RTN3: variants seen among roughly 807,000 people sequenced by gnomAD.
The protein encoded by RTN3 is reticulon 3, also known as reticulon-3.
A neutral mutation model predicts 77.8 loss-of-function variants in RTN3; 49 were observed. The ratio of observed to expected loss-of-function variants is 0.63; its 90% CI spans 0.50 to 0.80. The LOEUF (loss-of-function observed/expected upper bound fraction) is 0.80. Ranked by LOEUF, RTN3 falls within the 30% of genes least tolerant of loss-of-function variation. RTN3 has a pLI of 0.00. For synonymous variants in RTN3, 464 were observed against 446.9 expected, an observed-to-expected ratio of 1.04 and a Z score of -0.48; for missense variants, 1,236 against 1,211.9, an observed-to-expected ratio of 1.02 and a Z score of -0.29.
intron 3 of RTN3, among the ~76,000 whole-genome samples, chr11:63,740,634 T>G (rs2013410939): frequency 6.6e-6 from 1 of 151,650 alleles, no homozygotes; most frequent in East Asian, 1.9e-4. Context: ...TCTCACTATG[T>G]TGCCCAGGCT....
chr11:63,709,743 A>G (rs1290937121), intron 2 of RTN3, among the ~76,000 whole-genome samples: 1 of 152,206 alleles, frequency 6.6e-6, no homozygotes, highest in East Asian at 1.9e-4. Context: ...TTTTGTGAAC[A>G]TGAGAAAATT....
At chr11:63,732,361 A>G (rs1239630698) in intron 3 of RTN3, among the ~76,000 whole-genome samples, 3 of 151,928 alleles carry the variant, frequency 2.0e-5, no homozygotes, top group Non-Finnish European at 4.4e-5. Flanking sequence ...AATTTTTTGT[A>G]GAAATGGGGT....
At position 63,750,167 on chromosome 11, in the gene RTN3, G is replaced by A; in HGVS notation, c.2707G>A (p.Val903Ile). ...FRIYKSVIQAVQKSEEGHPFK... is the reference protein window; with the variant it reads ...FRIYKSVIQAIQKSEEGHPFK... Reference sequence around the variant, plus strand: ...GATCTACAAGTCCGTCATCCAAGCTGTACAGAAGTCAGAAGAAGGCCATCC... The same window carrying A: ...GATCTACAAGTCCGTCATCCAAGCTATACAGAAGTCAGAAGAAGGCCATCC... The change falls in exon 4 of 9, where the codon GTA (valine) becomes ATA (isoleucine). Residue 903 changes from valine to isoleucine, a missense_variant. Val to Ile is a conservative substitution (Grantham distance 29). Transcript: ENST00000377819. 1 of 1,612,480 alleles carries A rather than the reference G, an allele frequency of 6.2e-7. No individual in the cohort carries two copies. The highest frequency in any genetic ancestry group is 8.5e-7 in the Non-Finnish European group (1 of 1,179,144).
At chr11:63,684,129 G>GTT (rs61663789) in intron 1 of RTN3, among the ~76,000 whole-genome samples, 917 of 85,164 alleles carry the variant, frequency 0.011, 13 homozygotes, top group African/African-American at 0.045. Context: ...TTTTCTTTTG[G>GTT]TTTTTTTTTT....
intron 1 of RTN3, among the ~76,000 whole-genome samples, chr11:63,692,106 T>C (rs1005031346): frequency 3.3e-5 from 5 of 152,162 alleles, no homozygotes; most frequent in Non-Finnish European, 7.4e-5. Flanking sequence ...CACTTCAAAC[T>C]CTGCCTCCCA....
chr11:63,730,706 G>T (rs937131847), intron 3 of RTN3, among the ~76,000 whole-genome samples: 4 of 152,150 alleles, frequency 2.6e-5, no homozygotes, highest in African/African-American at 9.7e-5. Context: ...TGTAGTCCCA[G>T]CTACTCAGGA....
chr11:63,718,791 C>T lies in RTN3; in HGVS notation c.289C>T (p.Leu97Phe). ...ATCTTCTGAAATACATAACACTGGC[C>T]TTACAATACTACATGGAGAAAAAAG... is the stretch of plus-strand genomic sequence containing the variant. ...LSSSEIHNTG[L>F]TILHGEKSHV... is the part of the protein sequence containing the mutation. The change falls in exon 3 of 9, where the codon CTT becomes TTT. Residue 97 changes from leucine (L) to phenylalanine (F), a missense_variant. Around this residue, in one of 3 missense-constraint regions of RTN3, gnomAD observed 1,056 missense variants for 990.4 expected, o/e 1.07. Transcript: ENST00000377819. 6.2e-7 allele frequency: 1 copy of T among 1,613,554 alleles called. No homozygotes were observed. The highest frequency in any genetic ancestry group is 1.1e-5 in the South Asian group (1 of 90,880).
At chr11:63,756,760 A>G (rs580695) in intron 8 of RTN3, among the ~76,000 whole-genome samples, 19,369 of 152,080 alleles carry the variant, frequency 0.13, 1,328 homozygotes, top group South Asian at 0.16. Context: ...AATGTTCTTC[A>G]TTACAGGCTG....
chr11:63,754,900 C>T (rs1233869185), intron 7 of RTN3, among the ~76,000 whole-genome samples: 1 of 122,484 alleles, frequency 8.2e-6, no homozygotes, highest in African/African-American at 3.1e-5. Flanking sequence ...TGCATTCCAG[C>T]CTGGGCGACA....
In RTN3 at chr11:63,720,374, A is replaced by G; in HGVS notation, c.1872A>G (p.Glu624=). The part of the protein sequence containing the change: ...TVSPNVFNET[E]FSLNVTTSAY... ...CTCCAAATGTTTTTAATGAGACAGA[A>G]TTCTCATTAAATGTGACAACATCTG... Residue 624 remains glutamate (E), a synonymous_variant, in exon 3 of 9, where the codon GAA becomes GAG. Coordinates refer to ENST00000377819, the MANE Select transcript of RTN3 (RefSeq NM_001265589.2). 1 of 1,614,080 alleles carries G rather than the reference A, an allele frequency of 6.2e-7. No homozygotes were observed.
At chr11:63,701,470 T>C (rs1942234402) in intron 1 of RTN3, among the ~76,000 whole-genome samples, 5 of 152,180 alleles carry the variant, frequency 3.3e-5, no homozygotes. Flanking sequence ...ACTCAGGGTA[T>C]GAGCCAGAGA....
intron 3 of RTN3, among the ~76,000 whole-genome samples, chr11:63,732,830 G>A (rs1458275680): frequency 1.3e-5 from 2 of 152,122 alleles, no homozygotes; most frequent in Non-Finnish European, 1.5e-5. Context: ...TAATACATAT[G>A]TATAGAGTAA....
At chr11:63,709,866 A>T (rs1406682581) in intron 2 of RTN3, among the ~76,000 whole-genome samples, 1 of 152,184 alleles carries the variant, frequency 6.6e-6, no homozygotes, top group African/African-American at 2.4e-5. Context: ...CCCATTCTTC[A>T]CTGATGTATA....
chr11:63,705,590 T>C (rs1253171036), intron 2 of RTN3, among the ~76,000 whole-genome samples: 1 of 152,228 alleles, frequency 6.6e-6, no homozygotes, highest in Admixed American at 6.5e-5. Flanking sequence ...GGTAGCAGAT[T>C]GGAAAAACAG....
chr11:63,724,103 C>A (rs1269271631), intron 3 of RTN3, among the ~76,000 whole-genome samples: 1 of 151,278 alleles, frequency 6.6e-6, no homozygotes, highest in African/African-American at 2.4e-5. Context: ...ATTGTTACAG[C>A]CTTTCTGGAA....
At chr11:63,693,258 C>T (rs1308664465) in intron 1 of RTN3, among the ~76,000 whole-genome samples, 9 of 151,856 alleles carry the variant, frequency 5.9e-5, no homozygotes, top group African/African-American at 1.5e-4. Flanking sequence ...CCGAGGCGAG[C>T]GGATCACCTG....
At chr11:63,754,952 A>G (rs1420113357) in intron 7 of RTN3, among the ~76,000 whole-genome samples, 3 of 144,026 alleles carry the variant, frequency 2.1e-5, no homozygotes, top group African/African-American at 7.6e-5. Context: ...AAATGCTTAG[A>G]TGAATAAAAG....
Position 63,696,211 on chromosome 11 carries a change from A to G in RTN3, c.143-8640A>G, listed in dbSNP as rs536963596. 4.0e-5 allele frequency among the ~76,000 whole-genome samples: 6 copies of G among 151,250 alleles called. No individual in the cohort carries two copies. The East Asian group carries it at 1.2e-3, about 30-fold the overall frequency. ...CGGACAGATCTTGAGGTCAGGAGCA[A>G]CATGGTGAAACCCCGTCTCTACTAA... On this transcript the variant is annotated intron_variant, in intron 1 of 8. Coordinates refer to ENST00000377819, the MANE Select transcript of RTN3 (RefSeq NM_001265589.2).
Position 63,700,613 on chromosome 11 carries a change from T to A in RTN3, c.143-4238T>A, listed in dbSNP as rs375336551. 1.3e-4 allele frequency among the ~76,000 whole-genome samples: 20 copies of A among 151,452 alleles called. No homozygotes were observed. In the South Asian group the frequency reaches 1.5e-3, roughly 11 times the overall value. On this transcript the variant is annotated intron_variant, in intron 1 of 8. Coordinates refer to ENST00000377819, the MANE Select transcript of RTN3 (RefSeq NM_001265589.2). ...TCCCTGCCCCCATCCTTTTTATTTTTTTTTTTTTGAGATGGAGTCTCACTT... is the reference window on the plus strand; with the variant it reads ...TCCCTGCCCCCATCCTTTTTATTTTATTTTTTTTGAGATGGAGTCTCACTT...
Sources: allele counts gnomAD v4.1 joint callset (sites outside exome capture counted in the v4.1 genomes callset), GRCh38; gene constraint gnomAD v4.1.1; regional missense constraint gnomAD v4.1.1; transcripts MANE v1.5; gene names NCBI Gene and HGNC (gene_info 2026-07-23, HGNC 2026-07-21).